Variants in DLGAP2 observed in about 807,000 individuals in gnomAD.
DLGAP2 encodes disks large-associated protein 2.
In DLGAP2, 26 loss-of-function variants were observed where a neutral mutation model predicts 100.3. The observed-to-expected ratio is 0.26, with a 90% confidence interval of 0.19 to 0.36. The LOEUF is 0.36. Among genes scored for constraint, DLGAP2 ranks in the 10% least tolerant of loss-of-function variants. The pLI is 1.00. For missense variants in DLGAP2, 1,858 were observed against 1,453.2 expected, an observed-to-expected ratio of 1.28 and a Z score of -4.53; for synonymous variants, 886 against 630.1, an observed-to-expected ratio of 1.41 and a Z score of -6.08.
rs1490034675 is a variant in DLGAP2 at position 1,702,156 on chromosome 8, G to C, written c.*750G>C. 1.3e-5 allele frequency: 2 copies of C among 152,212 alleles called. No homozygotes were observed. The highest frequency in any genetic ancestry group is 6.5e-5 in the Admixed American group (1 of 15,284). The allele number at this position is 152,212 out of a possible 1,614,324, so 9.4% of individuals were successfully genotyped here. A position where few individuals can be genotyped will look rare whatever the true frequency, so the allele number is the denominator to read the frequency against. On this transcript the variant is annotated 3_prime_UTR_variant, in exon 15 of 15. Coordinates refer to ENST00000637795, the MANE Select transcript of DLGAP2 (RefSeq NM_001346810.2). The stretch of plus-strand genomic sequence containing the variant: ...ACCAGGAAGTCACGCGCAGAGAGGA[G>C]AGTCTTACGGAGGGCTGGGAGCTTA...
At position 1,186,932 on chromosome 8, in the gene DLGAP2, G is replaced by A. The variant is rs551343180; in HGVS notation, c.74-71919G>A. Among the ~76,000 whole-genome samples, 26 of 152,214 alleles carry A rather than the reference G, an allele frequency of 1.7e-4. No homozygotes were observed. In the East Asian group the frequency reaches 3.7e-3, roughly 22 times the overall value. On this transcript the variant is annotated intron_variant, in intron 2 of 14. Coordinates refer to ENST00000637795, the MANE Select transcript of DLGAP2 (RefSeq NM_001346810.2). ...AACAGGTATTTGGGAAATTGTGTGG[G>A]GCAGAAGGAAAATCCAGGAGCCTTG... is the stretch of plus-strand genomic sequence containing the variant.
intron 1 of DLGAP2, among the ~76,000 whole-genome samples, chr8:749,177 G>C (rs1168476104): frequency 1.3e-5 from 2 of 152,158 alleles, no homozygotes; most frequent in Non-Finnish European, 2.9e-5. Flanking sequence ...TTTCAGTAAA[G>C]CTGGGGTTTG....
At chr8:1,317,010 G>C (rs1250815499) in intron 3 of DLGAP2, among the ~76,000 whole-genome samples, 1 of 91,672 alleles carries the variant, frequency 1.1e-5, no homozygotes, top group East Asian at 2.6e-4. Context: ...CTACACTCGA[G>C]AAACTCGGCA....
chr8:1,487,233 A>G (rs1799255752), intron 3 of DLGAP2, among the ~76,000 whole-genome samples: 1 of 152,224 alleles, frequency 6.6e-6, no homozygotes, highest in Non-Finnish European at 1.5e-5. Flanking sequence ...TCATTTTTTA[A>G]CAAATGCCAT....
intron 1 of DLGAP2, among the ~76,000 whole-genome samples, chr8:836,389 G>T (rs1015082354): frequency 6.6e-6 from 1 of 152,220 alleles, no homozygotes; most frequent in Non-Finnish European, 1.5e-5. Flanking sequence ...GGGGCGCTGG[G>T]CCTTGTCCGG....
At chr8:1,240,164 A>G (rs1798754679) in intron 2 of DLGAP2, among the ~76,000 whole-genome samples, 1 of 136,684 alleles carries the variant, frequency 7.3e-6, no homozygotes, top group Non-Finnish European at 1.5e-5. Flanking sequence ...ACATAGTGTC[A>G]TGTCTAGTTC....
chr8:1,285,528 G>A (rs1221875212), intron 3 of DLGAP2, among the ~76,000 whole-genome samples: 4 of 152,170 alleles, frequency 2.6e-5, no homozygotes, highest in Non-Finnish European at 4.4e-5. Flanking sequence ...ATCTGGGGCT[G>A]TGGAATAATA....
intron 9 of DLGAP2, 141 bp downstream of exon 9, chr8:1,668,819 G>A (rs1406586040): frequency 3.6e-5 from 31 of 854,310 alleles, no homozygotes; most frequent in Non-Finnish European, 4.9e-5. Context: ...TGAGAGCAGG[G>A]CTGTGCGTTC....
chr8:1,380,023 T>A (rs1483760714), intron 3 of DLGAP2: 1 of 152,314 alleles, frequency 6.6e-6, no homozygotes, highest in African/African-American at 2.4e-5. Context: ...TCCCAGCATC[T>A]GCACCCTGGT....
intron 2 of DLGAP2, among the ~76,000 whole-genome samples, chr8:1,183,904 T>C (rs1009796205): frequency 2.0e-5 from 3 of 152,238 alleles, no homozygotes; most frequent in African/African-American, 7.2e-5. Flanking sequence ...TGTCTATTTA[T>C]CAAATAGGAA....
intron 2 of DLGAP2, among the ~76,000 whole-genome samples, chr8:1,085,527 C>T (rs2129040399): frequency 6.6e-6 from 1 of 152,286 alleles, no homozygotes; most frequent in East Asian, 1.9e-4. Flanking sequence ...ATTAAAGAGA[C>T]TGTGCTTTTC....
chr8:742,898 A>G (rs1473261930), intron 1 of DLGAP2, among the ~76,000 whole-genome samples: 1 of 152,150 alleles, frequency 6.6e-6, no homozygotes, highest in East Asian at 1.9e-4. Context: ...AGGGTTAAGG[A>G]GGATTAAATG....
intron 4 of DLGAP2, among the ~76,000 whole-genome samples, chr8:1,505,086 C>A (rs1799860422): frequency 6.6e-6 from 1 of 152,134 alleles, no homozygotes; most frequent in Non-Finnish European, 1.5e-5. Context: ...ACATTGGGAG[C>A]AAATAGCATT....
intron 2 of DLGAP2, among the ~76,000 whole-genome samples, chr8:1,163,545 G>C (rs1036793820): frequency 2.6e-5 from 4 of 152,244 alleles, no homozygotes; most frequent in African/African-American, 4.8e-5. Flanking sequence ...ATTCATTAGC[G>C]AGTGTGAGCA....
At chr8:1,561,334 C>T (rs928327106) in intron 5 of DLGAP2, among the ~76,000 whole-genome samples, 2 of 152,142 alleles carry the variant, frequency 1.3e-5, no homozygotes, top group Admixed American at 6.5e-5. Context: ...TCAGCGCGGT[C>T]TGTATTCCTC....
At chr8:1,120,338 G>A (rs1488511154) in intron 2 of DLGAP2, among the ~76,000 whole-genome samples, 2 of 152,186 alleles carry the variant, frequency 1.3e-5, no homozygotes, top group Non-Finnish European at 2.9e-5. Context: ...GCGTCCGAAT[G>A]AGAACAATAC....
At chr8:1,212,351 TCAGGCTGAGACC>T (rs1798122780) in intron 2 of DLGAP2, among the ~76,000 whole-genome samples, 1 of 152,224 alleles carries the variant, frequency 6.6e-6, no homozygotes, top group Non-Finnish European at 1.5e-5. Flanking sequence ...CTCCTTCCTC[TCAGGCTGAGACC>T]CATGGAGCAT....
At chr8:818,435 C>G (rs571670432) in intron 1 of DLGAP2, among the ~76,000 whole-genome samples, 3 of 152,162 alleles carry the variant, frequency 2.0e-5, no homozygotes, top group Non-Finnish European at 4.4e-5. Flanking sequence ...CCCTGAACCA[C>G]GAACCTCCCC....
At chr8:842,918 A>G (rs1487173247) in intron 1 of DLGAP2, among the ~76,000 whole-genome samples, 1 of 152,030 alleles carries the variant, frequency 6.6e-6, no homozygotes, top group East Asian at 1.9e-4. Flanking sequence ...TTTCTGCCTT[A>G]TGTAATCTTC....
Sources: allele counts gnomAD v4.1 joint callset (sites outside exome capture counted in the v4.1 genomes callset), GRCh38; gene constraint gnomAD v4.1.1; transcripts MANE v1.5; gene names NCBI Gene and HGNC (gene_info 2026-07-23, HGNC 2026-07-21).